The following CALCRL variants were observed in gnomAD, a reference collection of about 807,000 sequenced individuals.
CALCRL encodes calcitonin receptor like receptor.
A neutral mutation model predicts 60.4 loss-of-function variants in CALCRL; 27 were observed. That is an observed-to-expected ratio of 0.45 (90% CI 0.33 to 0.62). The LOEUF (loss-of-function observed/expected upper bound fraction) is 0.62, where lower values mean the gene tolerates loss of function less well. Ranked by LOEUF, CALCRL falls within the 20% of genes least tolerant of loss-of-function variation. The pLI is 0.03. For missense variants in CALCRL, 424 were observed against 540.7 expected (o/e 0.78, Z 2.14); for synonymous variants, 190 against 182.6 (o/e 1.04, Z -0.33).
intron 1 of CALCRL, among the ~76,000 whole-genome samples, chr2:187,398,968 C>T (rs532938892): frequency 2.3e-4 from 35 of 151,598 alleles, no homozygotes; most frequent in African/African-American, 8.0e-4. Context: ...CATTAAATTA[C>T]GTTTTATGCC....
At chr2:187,354,824 C>T (rs1448905206) in intron 12 of CALCRL, among the ~76,000 whole-genome samples, 4 of 152,016 alleles carry the variant, frequency 2.6e-5, no homozygotes, top group East Asian at 1.9e-4. Context: ...GTGTAGATGA[C>T]GTTACATTTT....
intron 10 of CALCRL, among the ~76,000 whole-genome samples, chr2:187,359,844 T>C (rs1430270701): frequency 1.3e-5 from 2 of 151,906 alleles, no homozygotes; most frequent in African/African-American, 2.4e-5. Context: ...TACACTAAAA[T>C]TGTGGGTGTG....
chr2:187,409,164 G>C (rs571858849), intron 1 of CALCRL, among the ~76,000 whole-genome samples: 2 of 152,062 alleles, frequency 1.3e-5, no homozygotes, highest in East Asian at 1.9e-4. Flanking sequence ...AATAGCCTTG[G>C]TCTCCCTGGG....
intron 8 of CALCRL, among the ~76,000 whole-genome samples, chr2:187,372,990 TAG>T (rs1422850331): frequency 6.6e-6 from 1 of 152,204 alleles, no homozygotes; most frequent in Non-Finnish European, 1.5e-5. Flanking sequence ...ATTTGAATTT[TAG>T]AGTCTTAGTC....
chr2:187,373,182 C>T (rs73046701), intron 8 of CALCRL, among the ~76,000 whole-genome samples: 26 of 152,050 alleles, frequency 1.7e-4, no homozygotes, highest in African/African-American at 5.3e-4. Flanking sequence ...TGCTAAGCCC[C>T]GAGATGTGTA....
intron 1 of CALCRL, among the ~76,000 whole-genome samples, chr2:187,403,618 G>T (rs1268635149): frequency 6.6e-6 from 1 of 151,916 alleles, no homozygotes; most frequent in African/African-American, 2.4e-5. Flanking sequence ...GGCAGAGTTT[G>T]CTAGGTACAA....
intron 4 of CALCRL, among the ~76,000 whole-genome samples, 183 bp from the exon 5 acceptor site, chr2:187,383,488 A>G (rs76120384): frequency 0.02 from 2,989 of 152,254 alleles, 101 homozygotes; most frequent in African/African-American, 0.067. Context: ...AAATATCCCC[A>G]CCATGTCCAA....
intron 1 of CALCRL, among the ~76,000 whole-genome samples, chr2:187,405,272 T>G (rs1187627369): frequency 2.0e-5 from 3 of 151,996 alleles, no homozygotes; most frequent in Admixed American, 1.3e-4. Flanking sequence ...TATGTGAACA[T>G]TTAACAATGC....
At chr2:187,361,637 G>A (rs1687059527) in intron 9 of CALCRL, among the ~76,000 whole-genome samples, 1 of 151,844 alleles carries the variant, frequency 6.6e-6, no homozygotes, top group African/African-American at 2.4e-5. Flanking sequence ...ATCTGCATAG[G>A]AGTCAGCCTA....
At chr2:187,354,105 AATTTTAAATTTT>A (rs1248694739) in intron 12 of CALCRL, among the ~76,000 whole-genome samples, 2 of 152,070 alleles carry the variant, frequency 1.3e-5, no homozygotes, top group Non-Finnish European at 2.9e-5. Flanking sequence ...ATAAAAGAAG[AATTTTAAATTTT>A]AGAAGAACTA....
At chr2:187,369,669 C>G (rs1574235687) in intron 8 of CALCRL, among the ~76,000 whole-genome samples, 1 of 152,032 alleles carries the variant, frequency 6.6e-6, no homozygotes. Context: ...AAAGCAAAAC[C>G]CTGACCTCAT....
At chr2:187,438,177 T>C (rs923690780) in intron 1 of CALCRL, among the ~76,000 whole-genome samples, 8 of 152,288 alleles carry the variant, frequency 5.3e-5, no homozygotes, top group African/African-American at 1.9e-4. Context: ...AGATGTATTA[T>C]TATAATATGA....
chr2:187,436,055 T>C (rs1690631548), intron 1 of CALCRL, among the ~76,000 whole-genome samples: 1 of 152,106 alleles, frequency 6.6e-6, no homozygotes, highest in Non-Finnish European at 1.5e-5. Context: ...ATGGGAAGTA[T>C]TACATACTTC....
intron 12 of CALCRL, among the ~76,000 whole-genome samples, chr2:187,357,061 T>C (rs1686825723): frequency 6.6e-6 from 1 of 152,126 alleles, no homozygotes; most frequent in South Asian, 2.1e-4. Flanking sequence ...GGTGGGAGTG[T>C]AAATTAGTTC....
intron 14 of CALCRL, 67 bp downstream of exon 14, chr2:187,351,852 TA>T: frequency 1.0e-6 from 1 of 975,352 alleles, no homozygotes; most frequent in Non-Finnish European, 1.6e-6. Flanking sequence ...TTATCTCATT[TA>T]AATACATGGA....
chr2:187,404,906 A>G (rs1232288935), intron 1 of CALCRL, among the ~76,000 whole-genome samples: 3 of 151,764 alleles, frequency 2.0e-5, no homozygotes, highest in South Asian at 2.1e-4. Flanking sequence ...GAAAAAAAAG[A>G]TAGAGCAGTA....
Position 187,380,468 on chromosome 2 carries a change from T to A in CALCRL, c.407A>T (p.Lys136Met). Residue 136 changes from lysine to methionine, a missense_variant and splice_region_variant, in exon 7 of 15, where the codon AAG becomes ATG. Transcript: ENST00000392370. Reference protein sequence around the residue: ...QCNVNTHEKVKTALNLFYLTI... With the variant: ...QCNVNTHEKVMTALNLFYLTI... ...TTTCAATTCAGAATTATGACATACC[T>A]TCACTTTCTCGTGGGTGTTAACATT... is the stretch of plus-strand genomic sequence containing the variant. 6.4e-7 allele frequency: 1 copy of A among 1,561,294 alleles called. No individual in the cohort carries two copies. Among genetic ancestry groups the A allele is most frequent in the Non-Finnish European group, 8.8e-7 (1 of 1,132,510 alleles).
At chr2:187,415,558 G>GT (rs1191141407) in intron 1 of CALCRL, 30 of 474,432 alleles carry the variant, frequency 6.3e-5, no homozygotes, top group African/African-American at 6.0e-4. Flanking sequence ...CTCTGCCAAT[G>GT]TGTCAGTGGT....
At chr2:187,347,569 T>A (rs1258429452) in intron 14 of CALCRL, among the ~76,000 whole-genome samples, 3 of 151,794 alleles carry the variant, frequency 2.0e-5, no homozygotes, top group African/African-American at 7.3e-5. Flanking sequence ...CAAATCAATA[T>A]TAAATCTTTA....
Sources: allele counts gnomAD v4.1 joint callset (sites outside exome capture counted in the v4.1 genomes callset), GRCh38; gene constraint gnomAD v4.1.1; transcripts MANE v1.5; gene names NCBI Gene and HGNC (gene_info 2026-07-23, HGNC 2026-07-21).